KCNIP4: variants seen among roughly 807,000 people sequenced by gnomAD.
The protein encoded by KCNIP4 is potassium voltage-gated channel interacting protein 4, also known as Kv channel-interacting protein 4.
KCNIP4 carries 12 observed loss-of-function variants against 34.0 expected under a neutral mutation model. The ratio of observed to expected loss-of-function variants is 0.35; its 90% CI spans 0.23 to 0.57. The LOEUF is 0.57. KCNIP4 is among the 20% of genes least tolerant of loss of function. The pLI, the probability that KCNIP4 is intolerant of heterozygous loss-of-function variation, is 0.83. For synonymous variants in KCNIP4, 124 were observed against 102.2 expected, an observed-to-expected ratio of 1.21 and a Z score of -1.29; for missense variants, 238 against 311.7, an observed-to-expected ratio of 0.76 and a Z score of 1.78.
At chr4:20,844,423 A>G (rs1321077371) in intron 3 of KCNIP4, among the ~76,000 whole-genome samples, 1 of 152,178 alleles carries the variant, frequency 6.6e-6, no homozygotes, top group African/African-American at 2.4e-5. Flanking sequence ...AACAAAACCA[A>G]TTATTACCCA....
intron 3 of KCNIP4, among the ~76,000 whole-genome samples, chr4:20,823,930 T>C (rs995294415): frequency 3.3e-5 from 5 of 152,138 alleles, no homozygotes; most frequent in Non-Finnish European, 5.9e-5. Context: ...TAGCATAGAA[T>C]AGTGGCTAAG....
intron 1 of KCNIP4, among the ~76,000 whole-genome samples, chr4:21,022,019 A>C (rs1401283450): frequency 6.6e-6 from 1 of 152,134 alleles, no homozygotes; most frequent in African/African-American, 2.4e-5. Flanking sequence ...AGGTTTTTTT[A>C]CACCAACATC....
At chr4:20,816,744 G>T (rs950993114) in intron 3 of KCNIP4, among the ~76,000 whole-genome samples, 1 of 152,186 alleles carries the variant, frequency 6.6e-6, no homozygotes, top group South Asian at 2.1e-4. Context: ...AACACTGAAA[G>T]AACCGTGGAG....
intron 1 of KCNIP4, among the ~76,000 whole-genome samples, chr4:21,179,506 A>G (rs1471937073): frequency 2.6e-5 from 4 of 152,192 alleles, no homozygotes; most frequent in Non-Finnish European, 5.9e-5. Flanking sequence ...TTAGGGCAAT[A>G]TTGGTTAGCT....
intron 1 of KCNIP4, among the ~76,000 whole-genome samples, chr4:21,932,419 C>T (rs11725086): frequency 0.32 from 48,002 of 151,964 alleles, 8,423 homozygotes; most frequent in Non-Finnish European, 0.4. Flanking sequence ...GGAATCATTA[C>T]CTATGTGATA....
chr4:21,061,754 C>G (rs574643690), intron 1 of KCNIP4, among the ~76,000 whole-genome samples: 1 of 152,220 alleles, frequency 6.6e-6, no homozygotes, highest in Admixed American at 6.5e-5. Flanking sequence ...TATGTTGAAG[C>G]CTTAGTTCCC....
At chr4:21,223,236 G>C (rs1758111087) in intron 1 of KCNIP4, among the ~76,000 whole-genome samples, 1 of 152,116 alleles carries the variant, frequency 6.6e-6, no homozygotes, top group African/African-American at 2.4e-5. Flanking sequence ...ATACTGGAAG[G>C]GGCCATGCTG....
At position 20,826,529 on chromosome 4, in the gene KCNIP4, C is replaced by T. The variant is rs563079140; in HGVS notation, c.288+24014G>A. ...TGTCCAGGAGGTCAAGTCTGCAGTG[C>T]GACATGATCATGCCACTGTACTGCA... On this transcript the variant is annotated intron_variant, in intron 3 of 8. Transcript: ENST00000382152. Among the ~76,000 whole-genome samples the T allele has an allele frequency of 4.6e-5, 7 of 151,706 alleles. No homozygotes were observed. In the South Asian group the frequency reaches 1.0e-3, roughly 23 times the overall value.
intron 1 of KCNIP4, among the ~76,000 whole-genome samples, chr4:21,467,073 A>AACACACACACACACAC (rs33937973): frequency 3.6e-5 from 5 of 139,756 alleles, no homozygotes; most frequent in East Asian, 4.2e-4. Context: ...AACCAAAACA[A>AACACACACACACACAC]ACACACACAC....
intron 1 of KCNIP4, among the ~76,000 whole-genome samples, chr4:21,643,662 T>C (rs1746782785): frequency 6.6e-6 from 1 of 152,156 alleles, no homozygotes; most frequent in Non-Finnish European, 1.5e-5. Flanking sequence ...GATTCAACAG[T>C]TGAAGACCTT....
intron 1 of KCNIP4, among the ~76,000 whole-genome samples, chr4:21,458,742 T>C (rs902076538): frequency 6.6e-6 from 1 of 152,048 alleles, no homozygotes; most frequent in Non-Finnish European, 1.5e-5. Context: ...ATTCTTGTTG[T>C]TTCTCACCTC....
chr4:20,815,167 T>G (rs936328948), intron 3 of KCNIP4, among the ~76,000 whole-genome samples: 11 of 152,246 alleles, frequency 7.2e-5, no homozygotes, highest in Admixed American at 7.2e-4. Flanking sequence ...CACTGATAAT[T>G]GATCCTCAAA....
intron 1 of KCNIP4, among the ~76,000 whole-genome samples, chr4:21,657,742 T>C (rs995370622): frequency 6.6e-6 from 1 of 152,262 alleles, no homozygotes; most frequent in Non-Finnish European, 1.5e-5. Context: ...TCTACTGAGA[T>C]TCTTTGGAAA....
chr4:21,474,422 A>G (rs909756842), intron 1 of KCNIP4, among the ~76,000 whole-genome samples: 2 of 152,210 alleles, frequency 1.3e-5, no homozygotes. Context: ...AAAAACGATC[A>G]ATTCATTGAA....
At chr4:21,859,894 G>A (rs561227025) in intron 1 of KCNIP4, among the ~76,000 whole-genome samples, 2 of 151,800 alleles carry the variant, frequency 1.3e-5, no homozygotes, top group Non-Finnish European at 2.9e-5. Flanking sequence ...ACTAGCTGGT[G>A]ATGCTGGTGC....
chr4:20,882,254 T>C (rs1029336906), intron 2 of KCNIP4, among the ~76,000 whole-genome samples: 2 of 152,232 alleles, frequency 1.3e-5, no homozygotes, highest in Non-Finnish European at 2.9e-5. Context: ...TGGATGAGAG[T>C]CAAACAATGT....
chr4:21,414,391 C>T (rs939355324), intron 1 of KCNIP4, among the ~76,000 whole-genome samples: 1 of 152,088 alleles, frequency 6.6e-6, no homozygotes, highest in Admixed American at 6.6e-5. Flanking sequence ...GACTTATCAC[C>T]TCACATGTAT....
intron 1 of KCNIP4, among the ~76,000 whole-genome samples, chr4:21,761,449 C>T (rs1292415658): frequency 6.6e-6 from 1 of 151,842 alleles, no homozygotes; most frequent in Non-Finnish European, 1.5e-5. Context: ...ATCTATAAGG[C>T]CAGTAGCAGA....
intron 1 of KCNIP4, among the ~76,000 whole-genome samples, chr4:21,273,579 C>G (rs1187231591): frequency 6.6e-6 from 1 of 152,152 alleles, no homozygotes; most frequent in African/African-American, 2.4e-5. Context: ...GATCGTTTTA[C>G]TTTCCATACC....
Sources: allele counts gnomAD v4.1 joint callset (sites outside exome capture counted in the v4.1 genomes callset), GRCh38; gene constraint gnomAD v4.1.1; transcripts MANE v1.5; gene names NCBI Gene and HGNC (gene_info 2026-07-23, HGNC 2026-07-21).